Variants in KLHL1 observed in about 807,000 individuals in gnomAD.
KLHL1 encodes the protein kelch like family member 1, also known as kelch-like protein 1.
KLHL1 carries 47 observed loss-of-function variants against 77.7 expected under a neutral mutation model. That is an observed-to-expected ratio of 0.60 (90% CI 0.48 to 0.77). KLHL1 has a LOEUF of 0.77. KLHL1 is among the 30% of genes least tolerant of loss of function. KLHL1 has a pLI of 0.00. For synonymous variants in KLHL1, 360 were observed against 325.2 expected (o/e 1.11, Z -1.15); for missense variants, 925 against 910.8 (o/e 1.02, Z -0.20).
intron 6 of KLHL1, among the ~76,000 whole-genome samples, chr13:69,828,798 T>C (rs1454795857): frequency 2.7e-5 from 4 of 149,918 alleles, no homozygotes; most frequent in Non-Finnish European, 5.9e-5. Flanking sequence ...ACCACTTCCC[T>C]GGCAACCTGT....
At chr13:69,844,141 TATA>T (rs1002484696) in intron 5 of KLHL1, among the ~76,000 whole-genome samples, 1 of 151,474 alleles carries the variant, frequency 6.6e-6, no homozygotes, top group Non-Finnish European at 1.5e-5. Context: ...TGCCTAGGTT[TATA>T]ATATTTTAAA....
At chr13:69,771,967 T>C (rs1243726928) in intron 7 of KLHL1, among the ~76,000 whole-genome samples, 1 of 152,014 alleles carries the variant, frequency 6.6e-6, no homozygotes, top group African/African-American at 2.4e-5. Flanking sequence ...AATTGTTATT[T>C]TTGAGATGGA....
chr13:70,058,086 T>C (rs1886793292), intron 1 of KLHL1, among the ~76,000 whole-genome samples: 1 of 151,352 alleles, frequency 6.6e-6, no homozygotes, highest in African/African-American at 2.4e-5. Context: ...ATAGAAGGAA[T>C]ATGCCTCAAC....
chr13:69,861,532 C>T (rs930216716), intron 5 of KLHL1, among the ~76,000 whole-genome samples: 5 of 151,816 alleles, frequency 3.3e-5, no homozygotes, highest in African/African-American at 7.3e-5. Context: ...ATATATCCAA[C>T]GTCTTATGCA....
At chr13:70,081,105 G>C (rs1043647811) in intron 1 of KLHL1, among the ~76,000 whole-genome samples, 4 of 152,172 alleles carry the variant, frequency 2.6e-5, no homozygotes, top group Admixed American at 6.5e-5. Context: ...GATTTAACAA[G>C]GAAGTAGGAG....
intron 1 of KLHL1, among the ~76,000 whole-genome samples, chr13:70,072,204 T>G (rs1174011950): frequency 6.6e-6 from 1 of 152,070 alleles, no homozygotes; most frequent in Non-Finnish European, 1.5e-5. Flanking sequence ...TTAGATAAAA[T>G]GGACCATTTT....
At chr13:69,784,921 G>A (rs182443286) in intron 7 of KLHL1, among the ~76,000 whole-genome samples, 1,500 of 111,904 alleles carry the variant, frequency 0.013, 20 homozygotes, top group African/African-American at 0.047. Flanking sequence ...ACAGAGTCTC[G>A]CTCTGTCGCC....
At chr13:69,911,100 TCA>T (rs2138243304) in intron 4 of KLHL1, among the ~76,000 whole-genome samples, 1 of 152,220 alleles carries the variant, frequency 6.6e-6, no homozygotes, top group South Asian at 2.1e-4. Context: ...TTGTTAGTAA[TCA>T]GTCTGTCTTT....
At chr13:70,021,935 C>T (rs1295509343) in intron 1 of KLHL1, among the ~76,000 whole-genome samples, 2 of 151,964 alleles carry the variant, frequency 1.3e-5, no homozygotes, top group East Asian at 3.9e-4. Context: ...TTATCCCAGT[C>T]TGTGGCTTGT....
chr13:69,728,122 G>C (rs149104460), intron 8 of KLHL1, among the ~76,000 whole-genome samples: 7 of 151,218 alleles, frequency 4.6e-5, no homozygotes, highest in African/African-American at 1.7e-4. Flanking sequence ...TCAGTAAACA[G>C]CAATTTCTTT....
chr13:70,032,884 A>G (rs764080389), intron 1 of KLHL1, among the ~76,000 whole-genome samples: 47 of 152,092 alleles, frequency 3.1e-4, no homozygotes, highest in Non-Finnish European at 5.7e-4. Context: ...CAGTTTTGCC[A>G]TTTTTTTATG....
In KLHL1 at chr13:69,991,497, G is replaced by A. The variant is rs140121861; in HGVS notation, c.498-15695C>T. On this transcript the variant is annotated intron_variant, in intron 1 of 10. Transcript: ENST00000377844. Reference sequence around the variant, plus strand: ...CACAATCAGAAATGACACAAGAGACGTTACCACTGACCCCAAGAAATACAA... The same window carrying A: ...CACAATCAGAAATGACACAAGAGACATTACCACTGACCCCAAGAAATACAA... 3.3e-3 allele frequency among the ~76,000 whole-genome samples: 509 copies of A among 151,942 alleles called. 3 individuals carry two copies. Among genetic ancestry groups the A allele is most frequent in the African/African-American group, 0.012 (480 of 41,498 alleles).
At chr13:69,720,492 A>G (rs1410153084) in intron 8 of KLHL1, among the ~76,000 whole-genome samples, 2 of 152,144 alleles carry the variant, frequency 1.3e-5, no homozygotes, top group Non-Finnish European at 2.9e-5. Context: ...AATTCTGCTG[A>G]AACAGGGATA....
At chr13:69,951,006 T>C (rs916021854) in intron 3 of KLHL1, among the ~76,000 whole-genome samples, 1 of 151,652 alleles carries the variant, frequency 6.6e-6, no homozygotes, top group Admixed American at 6.6e-5. Context: ...AATATTTGTC[T>C]CAGATTTTAA....
chr13:69,918,747 G>A (rs1882529035), intron 4 of KLHL1, among the ~76,000 whole-genome samples: 2 of 151,918 alleles, frequency 1.3e-5, no homozygotes, highest in South Asian at 2.1e-4. Flanking sequence ...TCAAATCCTT[G>A]TTCTTCCTAA....
At chr13:69,860,623 T>C (rs1001735060) in intron 5 of KLHL1, among the ~76,000 whole-genome samples, 7 of 151,664 alleles carry the variant, frequency 4.6e-5, no homozygotes, top group African/African-American at 1.7e-4. Flanking sequence ...TTATGTATAA[T>C]ATAATTTTAT....
intron 6 of KLHL1, among the ~76,000 whole-genome samples, chr13:69,812,164 A>G (rs1417938713): frequency 6.6e-6 from 1 of 152,072 alleles, no homozygotes; most frequent in Admixed American, 6.6e-5. Context: ...TTATGTACCC[A>G]GTAGTCATTC....
At chr13:69,786,459 C>A (rs1380829975) in intron 7 of KLHL1, among the ~76,000 whole-genome samples, 2 of 152,146 alleles carry the variant, frequency 1.3e-5, no homozygotes, top group Non-Finnish European at 2.9e-5. Flanking sequence ...TTCAACAACC[C>A]TTCATGCTAA....
At position 69,719,205 on chromosome 13, in the gene KLHL1, TGTGTGAGAGA is replaced by T. The variant is rs922728849; in HGVS notation, c.2015+154_2015+163del. On this transcript the variant is annotated intron_variant, in intron 9 of 10. Transcript: ENST00000377844. The stretch of plus-strand genomic sequence containing the variant: ...GTACGTGTGTGTGTGTGTGTGTGTG[TGTGTGAGAGA>T]GAGAGAGAGAGAGAGAGAGAAAGGA... Among the ~76,000 whole-genome samples, 88 of 13,422 alleles carry T rather than the reference TGTGTGAGAGA, an allele frequency of 6.6e-3. No individual in the cohort carries two copies. In the East Asian group the frequency reaches 0.14, roughly 21 times the overall value. The allele number at this position is 13,422 out of a possible 152,430, so 8.8% of individuals were successfully genotyped here.
Sources: gnomAD v4.1 joint callset for allele counts (sites outside exome capture counted in the v4.1 genomes callset) on GRCh38, gnomAD v4.1.1 for gene constraint, MANE v1.5 for transcripts, NCBI Gene and HGNC (gene_info 2026-07-23, HGNC 2026-07-21) for gene names.